The following ESR1 variants were observed in gnomAD, a reference collection of about 807,000 sequenced individuals.
ESR1 encodes estrogen receptor 1, also known as estrogen receptor.
A neutral mutation model predicts 52.7 loss-of-function variants in ESR1; 12 were observed. The ratio of observed to expected loss-of-function variants is 0.23; its 90% CI spans 0.15 to 0.37. ESR1 has a LOEUF of 0.37. ESR1 is among the 10% of genes least tolerant of loss of function. The pLI is 1.00. For synonymous variants in ESR1, 305 were observed against 316.8 expected (o/e 0.96, Z 0.39); for missense variants, 584 against 779.7 (o/e 0.75, Z 2.99).
At chr6:151,845,794 C>T (rs1397765993) in intron 2 of ESR1, among the ~76,000 whole-genome samples, 1 of 152,082 alleles carries the variant, frequency 6.6e-6, no homozygotes, top group African/African-American at 2.4e-5. Flanking sequence ...AGAAAGAAGG[C>T]AGAGTTATTA....
At chr6:151,811,707 C>T (rs956196637) in intron 1 of ESR1, among the ~76,000 whole-genome samples, 1 of 151,654 alleles carries the variant, frequency 6.6e-6, no homozygotes, top group Non-Finnish European at 1.5e-5. Flanking sequence ...AACATTTCAG[C>T]CCCCTTCCTT....
At chr6:151,909,519 C>T (rs1797947973) in intron 3 of ESR1, among the ~76,000 whole-genome samples, 1 of 152,214 alleles carries the variant, frequency 6.6e-6, no homozygotes, top group Admixed American at 6.5e-5. Flanking sequence ...CCAGGAAAGT[C>T]TTCAGATGGC....
chr6:152,018,619 T>C (rs1281338264), intron 5 of ESR1, among the ~76,000 whole-genome samples: 1 of 151,124 alleles, frequency 6.6e-6, no homozygotes, highest in Non-Finnish European at 1.5e-5. Context: ...GTTTTGGGGG[T>C]GGGAGGAGCG....
At chr6:151,937,168 A>G (rs1283460165) in intron 3 of ESR1, among the ~76,000 whole-genome samples, 2 of 152,232 alleles carry the variant, frequency 1.3e-5, no homozygotes. Context: ...TCAGGAGATC[A>G]GTAGCTTTTA....
exon 7 of ESR1, chr6:152,127,198 C>G (rs2053766257): frequency 6.6e-6 from 1 of 152,156 alleles, no homozygotes; most frequent in Non-Finnish European, 1.5e-5. Flanking sequence ...TTCTACCCAT[C>G]AATGGCCCTT....
At chr6:152,117,332 G>A (rs1230960872) in intron 6 of ESR1, among the ~76,000 whole-genome samples, 1 of 152,194 alleles carries the variant, frequency 6.6e-6, no homozygotes. Flanking sequence ...GTGTCCGGCA[G>A]GATTTAAGCC....
intron 3 of ESR1, among the ~76,000 whole-genome samples, chr6:151,938,856 A>G (rs2034689302): frequency 6.6e-6 from 1 of 152,212 alleles, no homozygotes; most frequent in East Asian, 1.9e-4. Context: ...AACTGGTGGC[A>G]TTGCACACTT....
chr6:151,743,189 T>TG lies in ESR1; in HGVS notation c.-71+41189dup. The stretch of plus-strand genomic sequence containing the variant: ...CAGGAGATGAGAGGAGGGAGAGCTC[T>TG]GGGGGCTGACACTGTTGGGAAGGCC... On this transcript the variant is annotated intron_variant, in intron 2 of 2. Coordinates refer to the ESR1 transcript ENST00000404742. 1.3e-5 allele frequency among the ~76,000 whole-genome samples: 2 copies of TG among 152,104 alleles called. 1 individual carries two copies. The highest frequency in any genetic ancestry group is 6.8e-3 in the Middle Eastern group (2 of 294).
intron 1 of ESR1, among the ~76,000 whole-genome samples, chr6:151,837,799 C>G (rs547422812): frequency 6.6e-6 from 1 of 152,000 alleles, no homozygotes; most frequent in Non-Finnish European, 1.5e-5. Flanking sequence ...TTGGTGACAA[C>G]TCAGTGAGAA....
At chr6:152,078,693 G>A (rs2048948503) in intron 6 of ESR1, among the ~76,000 whole-genome samples, 2 of 152,204 alleles carry the variant, frequency 1.3e-5, no homozygotes, top group Admixed American at 1.3e-4. Context: ...AAAGTGCAAG[G>A]GGTCAAGGGA....
At chr6:152,057,694 T>TACACACACACACACACAC (rs10560254) in intron 5 of ESR1, among the ~76,000 whole-genome samples, 5 of 145,726 alleles carry the variant, frequency 3.4e-5, no homozygotes, top group African/African-American at 1.2e-4. Context: ...TACACATGCA[T>TACACACACACACACACAC]ACACACACAC....
intron 4 of ESR1, among the ~76,000 whole-genome samples, chr6:151,956,740 A>C (rs1282543380): frequency 1.3e-5 from 2 of 150,046 alleles, no homozygotes; most frequent in Non-Finnish European, 3.0e-5. Flanking sequence ...CAAAAAAAAC[A>C]ACCCTTCTCC....
exon 7 of ESR1, chr6:152,125,412 A>G: frequency 2.0e-6 from 3 of 1,505,776 alleles, no homozygotes; most frequent in Non-Finnish European, 2.7e-6. Flanking sequence ...GGACGTGGGG[A>G]CATTTTGTTT....
intron 5 of ESR1, among the ~76,000 whole-genome samples, chr6:152,017,467 G>A (rs1562675851): frequency 6.6e-6 from 1 of 151,968 alleles, no homozygotes; most frequent in African/African-American, 2.4e-5. Context: ...TTTCTCTTGG[G>A]GTGTGTGTGT....
intron 3 of ESR1, among the ~76,000 whole-genome samples, chr6:151,883,501 C>G (rs1005068035): frequency 3.3e-5 from 5 of 151,612 alleles, no homozygotes; most frequent in African/African-American, 1.2e-4. Flanking sequence ...CCTCTGCGTC[C>G]GAGCACTCTT....
intron 4 of ESR1, among the ~76,000 whole-genome samples, chr6:151,985,464 C>T (rs535676889): frequency 8.7e-4 from 108 of 124,466 alleles, no homozygotes; most frequent in African/African-American, 2.6e-3. Context: ...GCCGAGATTG[C>T]GCCACTGCAC....
chr6:151,783,900 G>A (rs770238564), intron 2 of ESR1, among the ~76,000 whole-genome samples: 2 of 152,126 alleles, frequency 1.3e-5, no homozygotes, highest in Non-Finnish European at 2.9e-5. Flanking sequence ...CTGGTCAAGC[G>A]TTTTGTAGAA....
intron 4 of ESR1, among the ~76,000 whole-genome samples, chr6:151,983,260 G>A (rs1313619498): frequency 6.6e-6 from 1 of 152,130 alleles, no homozygotes; most frequent in Non-Finnish European, 1.5e-5. Flanking sequence ...CACGTAGAGA[G>A]GAGGAGGGCG....
chr6:152,013,802 A>G (rs986842307), intron 5 of ESR1, among the ~76,000 whole-genome samples: 4 of 152,150 alleles, frequency 2.6e-5, no homozygotes, highest in Non-Finnish European at 4.4e-5. Flanking sequence ...AAAACTTCAG[A>G]TCGGAAATTT....
Sources: gnomAD v4.1 joint callset for allele counts (sites outside exome capture counted in the v4.1 genomes callset) on GRCh38, gnomAD v4.1.1 for gene constraint, MANE v1.5 for transcripts, NCBI Gene and HGNC (gene_info 2026-07-23, HGNC 2026-07-21) for gene names.